Variants in PRICKLE1 observed in about 807,000 individuals in gnomAD.
PRICKLE1 encodes the protein prickle planar cell polarity protein 1, also known as prickle-like protein 1.
Under a neutral mutation model 70.2 loss-of-function variants are expected in PRICKLE1, and 14 were observed. The ratio of observed to expected loss-of-function variants is 0.20; its 90% CI spans 0.13 to 0.31. PRICKLE1 has a LOEUF of 0.31. Among genes scored for constraint, PRICKLE1 ranks in the 10% least tolerant of loss-of-function variants. PRICKLE1 has a pLI of 1.00. For synonymous variants in PRICKLE1, 357 were observed against 379.9 expected, an observed-to-expected ratio of 0.94 and a Z score of 0.70; for missense variants, 821 against 1,026.2, an observed-to-expected ratio of 0.80 and a Z score of 2.73.
intron 1 of PRICKLE1, among the ~76,000 whole-genome samples, chr12:42,485,840 T>A (rs1470779310): frequency 1.3e-5 from 2 of 152,200 alleles, no homozygotes; most frequent in African/African-American, 2.4e-5. Flanking sequence ...GTAAATACGT[T>A]TTGTTATATT....
At chr12:42,497,372 T>A (rs371890408) in intron 1 of PRICKLE1, among the ~76,000 whole-genome samples, 1 of 151,764 alleles carries the variant, frequency 6.6e-6, no homozygotes, top group Non-Finnish European at 1.5e-5. Context: ...GGTGAAACCC[T>A]GTCTCTACTA....
intron 1 of PRICKLE1, among the ~76,000 whole-genome samples, chr12:42,566,477 G>C (rs978442178): frequency 6.6e-6 from 1 of 152,122 alleles, no homozygotes; most frequent in African/African-American, 2.4e-5. Flanking sequence ...CAAGCAAGCT[G>C]GTAGAGTGGA....
intron 1 of PRICKLE1, among the ~76,000 whole-genome samples, chr12:42,525,452 G>C (rs1939784848): frequency 6.6e-6 from 1 of 152,158 alleles, no homozygotes; most frequent in South Asian, 2.1e-4. Context: ...AACAACTTGG[G>C]GCTTGCTACT....
At chr12:42,506,241 G>A (rs181624906) in intron 1 of PRICKLE1, among the ~76,000 whole-genome samples, 1 of 122,186 alleles carries the variant, frequency 8.2e-6, no homozygotes, top group East Asian at 2.3e-4. Context: ...AGTAAAAAAT[G>A]TTCTTTTTTC....
At chr12:42,560,613 AC>A (rs1447724476) in intron 1 of PRICKLE1, among the ~76,000 whole-genome samples, 2 of 152,114 alleles carry the variant, frequency 1.3e-5, no homozygotes, top group African/African-American at 4.8e-5. Context: ...GCAGGTATTT[AC>A]TTTTGTGCTT....
intron 1 of PRICKLE1, among the ~76,000 whole-genome samples, chr12:42,522,390 T>G (rs922766342): frequency 7.9e-5 from 12 of 152,200 alleles, no homozygotes; most frequent in Admixed American, 6.5e-4. Flanking sequence ...GCACACATCA[T>G]GCTTGTCTGA....
At chr12:42,462,555 A>T (rs1000145462) in intron 7 of PRICKLE1, among the ~76,000 whole-genome samples, 5 of 152,138 alleles carry the variant, frequency 3.3e-5, no homozygotes, top group African/African-American at 1.2e-4. Flanking sequence ...TGGGCCTGGC[A>T]GACAAAAGGT....
chr12:42,499,561 T>C (rs1474125289), intron 1 of PRICKLE1, among the ~76,000 whole-genome samples: 1 of 151,426 alleles, frequency 6.6e-6, no homozygotes, highest in Non-Finnish European at 1.5e-5. Context: ...GCTGGGACTA[T>C]AAGCACATGC....
intron 1 of PRICKLE1, among the ~76,000 whole-genome samples, chr12:42,527,257 T>C (rs902046832): frequency 4.7e-5 from 7 of 150,416 alleles, no homozygotes; most frequent in Non-Finnish European, 1.0e-4. Context: ...CTCAGCCTCC[T>C]GAGTAGCTGG....
chr12:42,572,459 A>G (rs1183391876), intron 1 of PRICKLE1, among the ~76,000 whole-genome samples: 2 of 150,946 alleles, frequency 1.3e-5, no homozygotes, highest in Non-Finnish European at 2.9e-5. Flanking sequence ...AAATAAATAA[A>G]TAAATAAATA....
intron 1 of PRICKLE1, among the ~76,000 whole-genome samples, chr12:42,476,518 G>A (rs1195812192): frequency 6.6e-6 from 1 of 152,020 alleles, no homozygotes; most frequent in East Asian, 1.9e-4. Context: ...GTTTCTCCAT[G>A]TTGGTCAGAC....
chr12:42,467,338 G>A (rs1938136073), intron 5 of PRICKLE1, among the ~76,000 whole-genome samples: 1 of 152,068 alleles, frequency 6.6e-6, no homozygotes, highest in Non-Finnish European at 1.5e-5. Context: ...GATGGTCTCT[G>A]TCTCTTGACC....
intron 1 of PRICKLE1, among the ~76,000 whole-genome samples, chr12:42,497,871 G>C (rs531376387): frequency 6.6e-6 from 1 of 152,206 alleles, no homozygotes; most frequent in South Asian, 2.1e-4. Context: ...CTACTCCTAC[G>C]GCTGCTGCCT....
chr12:42,499,108 C>A (rs1939259614), intron 1 of PRICKLE1, among the ~76,000 whole-genome samples: 1 of 152,100 alleles, frequency 6.6e-6, no homozygotes, highest in Non-Finnish European at 1.5e-5. Context: ...CATTATTATA[C>A]CTGCTATAAC....
chr12:42,488,954 G>C (rs147162250), intron 1 of PRICKLE1, among the ~76,000 whole-genome samples: 2 of 131,702 alleles, frequency 1.5e-5, no homozygotes, highest in South Asian at 2.3e-4. Flanking sequence ...ACAGAGTTTC[G>C]CTCTTGTTGC....
intron 1 of PRICKLE1, among the ~76,000 whole-genome samples, chr12:42,475,491 G>C (rs1418341129): frequency 6.6e-6 from 1 of 152,098 alleles, no homozygotes; most frequent in East Asian, 1.9e-4. Context: ...CTAAACCCCT[G>C]CAACCCCACA....
At position 42,470,292 on chromosome 12, in the gene PRICKLE1, T is replaced by A; in HGVS notation, c.200A>T (p.His67Leu). The change falls in exon 3 of 8, where the codon CAT becomes CTT. Residue 67 changes from histidine to leucine, a missense_variant. By Grantham distance (99) the His-to-Leu change is moderately conservative. Transcript: ENST00000345127. ...CTGGTACAAAAGCTGTTTAATCCGATGCTTCTCTCCGGGGCTGTTAACGTA... is the reference window on the plus strand; with the variant it reads ...CTGGTACAAAAGCTGTTTAATCCGAAGCTTCTCTCCGGGGCTGTTAACGTA... ...VPYVNSPGEK[H>L]RIKQLLYQLP... 1 of 1,614,174 alleles carries A rather than the reference T, an allele frequency of 6.2e-7. No homozygotes were observed. Among genetic ancestry groups the A allele is most frequent in the Non-Finnish European group, 8.5e-7 (1 of 1,180,002 alleles).
At chr12:42,529,521 T>C (rs1183282103) in intron 1 of PRICKLE1, among the ~76,000 whole-genome samples, 1 of 152,262 alleles carries the variant, frequency 6.6e-6, no homozygotes, top group Non-Finnish European at 1.5e-5. Flanking sequence ...TGCCAAAGGA[T>C]AGAAATGTGA....
chr12:42,517,287 T>C (rs1274186015), intron 1 of PRICKLE1, among the ~76,000 whole-genome samples: 1 of 151,284 alleles, frequency 6.6e-6, no homozygotes, highest in Non-Finnish European at 1.5e-5. Context: ...CAGAACTAAA[T>C]GTGTGTACTC....
Sources: gnomAD v4.1 joint callset for allele counts (sites outside exome capture counted in the v4.1 genomes callset) on GRCh38, gnomAD v4.1.1 for gene constraint, MANE v1.5 for transcripts, NCBI Gene and HGNC (gene_info 2026-07-23, HGNC 2026-07-21) for gene names.